The following FSTL4 variants were observed in gnomAD, a reference collection of about 807,000 sequenced individuals.
The protein encoded by FSTL4 is follistatin like 4.
A neutral mutation model predicts 78.2 loss-of-function variants in FSTL4; 28 were observed. That is an observed-to-expected ratio of 0.36 (90% CI 0.27 to 0.49). The LOEUF (loss-of-function observed/expected upper bound fraction) is 0.49, where lower values mean the gene tolerates loss of function less well. Among genes scored for constraint, FSTL4 ranks in the 20% least tolerant of loss-of-function variants. FSTL4 has a pLI of 0.98. For missense variants in FSTL4, 922 were observed against 1,084.9 expected (o/e 0.85, Z 2.11); for synonymous variants, 422 against 440.5 (o/e 0.96, Z 0.53).
intron 3 of FSTL4, among the ~76,000 whole-genome samples, chr5:133,417,036 T>A (rs1486556963): frequency 6.6e-6 from 1 of 152,232 alleles, no homozygotes; most frequent in Non-Finnish European, 1.5e-5. Context: ...TACACAGAAT[T>A]CTACTTCTAA....
chr5:133,678,103 T>C, the FSTL4 span, among the ~76,000 whole-genome samples: 2 of 152,334 alleles, frequency 1.3e-5, no homozygotes, highest in East Asian at 3.9e-4. Context: ...TTCAAGAATA[T>C]AATATATTGT....
intron 4 of FSTL4, among the ~76,000 whole-genome samples, chr5:133,320,348 C>T (rs563022027): frequency 1.8e-4 from 27 of 152,136 alleles, no homozygotes; most frequent in Non-Finnish European, 3.1e-4. Context: ...ACTGTGGGGT[C>T]AGATAGGAGT....
chr5:133,409,439 A>G (rs1756435240), intron 3 of FSTL4, among the ~76,000 whole-genome samples: 1 of 152,158 alleles, frequency 6.6e-6, no homozygotes, highest in Non-Finnish European at 1.5e-5. Context: ...GTCTGTGACA[A>G]TAGTGAAGCT....
chr5:133,210,353 C>T lies in FSTL4; in HGVS notation c.1609-55G>A, dbSNP rs114209582. The T allele has an allele frequency of 7.4e-3, 7,787 of 1,046,000 alleles. 354 individuals are homozygous for T. In the African/African-American group the frequency reaches 0.1, roughly 13 times the overall value. The allele number at this position is 1,046,000 out of a possible 1,614,324, so 64.8% of individuals were successfully genotyped here. On this transcript the variant is annotated intron_variant, in intron 13 of 15. Transcript: ENST00000265342. ...AGCTGACATGATGGTCATTTCTGGG[C>T]GTTGTATGCATGGGCATCACTCCTG...
intron 3 of FSTL4, among the ~76,000 whole-genome samples, chr5:133,461,083 T>C (rs1344543161): frequency 2.6e-5 from 4 of 152,240 alleles, no homozygotes; most frequent in South Asian, 2.1e-4. Context: ...AATGCATTTT[T>C]GTTTTCAAAG....
At chr5:133,472,360 C>A (rs1452061792) in intron 3 of FSTL4, among the ~76,000 whole-genome samples, 1 of 152,034 alleles carries the variant, frequency 6.6e-6, no homozygotes, top group African/African-American at 2.4e-5. Flanking sequence ...AGAGAAAGTG[C>A]AAGCCAAGAA....
At chr5:133,302,988 G>C (rs1356466839) in intron 6 of FSTL4, among the ~76,000 whole-genome samples, 1 of 152,194 alleles carries the variant, frequency 6.6e-6, no homozygotes, top group Non-Finnish European at 1.5e-5. Context: ...TGCTCTGCTG[G>C]TCTTGTCCTC....
the FSTL4 span, among the ~76,000 whole-genome samples, chr5:133,709,258 C>T: frequency 1.7e-3 from 265 of 152,308 alleles, 1 homozygote; most frequent in Non-Finnish European, 2.8e-3. Context: ...TTGGACCAAA[C>T]GTTTCCCAAT....
intron 1 of FSTL4, among the ~76,000 whole-genome samples, chr5:133,606,478 T>C (rs944190586): frequency 6.6e-6 from 1 of 152,190 alleles, no homozygotes; most frequent in African/African-American, 2.4e-5. Context: ...CCATAAGTAA[T>C]CCTCTTCTGA....
the FSTL4 span, among the ~76,000 whole-genome samples, chr5:133,641,611 T>A: frequency 1.3e-5 from 2 of 152,208 alleles, no homozygotes; most frequent in East Asian, 3.8e-4. Context: ...TATGTGTATG[T>A]GTATATACAC....
chr5:133,395,661 C>T (rs1157446675), intron 4 of FSTL4, among the ~76,000 whole-genome samples: 3 of 152,180 alleles, frequency 2.0e-5, no homozygotes, highest in East Asian at 1.9e-4. Context: ...ATGCTCTCCC[C>T]TACACCCAGG....
intron 1 of FSTL4, among the ~76,000 whole-genome samples, chr5:133,606,591 T>C (rs1037364719): frequency 1.3e-5 from 2 of 152,236 alleles, no homozygotes; most frequent in African/African-American, 2.4e-5. Context: ...AAGACATTGC[T>C]TCTTATTCTC....
chr5:133,241,245 C>G (rs1222634154), intron 7 of FSTL4, among the ~76,000 whole-genome samples: 2 of 152,240 alleles, frequency 1.3e-5, no homozygotes, highest in Admixed American at 1.3e-4. Flanking sequence ...ATAACACTTA[C>G]AATGAGTTCT....
rs558478296 is a variant in FSTL4 at position 133,225,046 on chromosome 5, G to A, written c.1312+104C>T. Reference sequence around the variant, plus strand: ...ATATGAGGCTTACCCCTGTCTTCACGGGCTCATGGTTGGCAGCTGTGGCCC... The same window carrying A: ...ATATGAGGCTTACCCCTGTCTTCACAGGCTCATGGTTGGCAGCTGTGGCCC... On this transcript the variant is annotated intron_variant, in intron 10 of 15. Coordinates refer to ENST00000265342, the MANE Select transcript of FSTL4 (RefSeq NM_015082.2). The surrounding 1 kb of genome is among the most constrained non-coding windows in gnomAD (Gnocchi z 4.6). 3.1e-5 allele frequency: 41 copies of A among 1,325,814 alleles called. No homozygotes were observed. Among genetic ancestry groups the A allele is most frequent in the East Asian group, 4.6e-5 (2 of 43,466 alleles). The allele number at this position is 1,325,814 out of a possible 1,614,324, so 82.1% of individuals were successfully genotyped here. A position where few individuals can be genotyped will look rare whatever the true frequency, so the allele number is the denominator to read the frequency against.
intron 2 of FSTL4, among the ~76,000 whole-genome samples, chr5:133,591,992 T>C (rs928565299): frequency 7.9e-5 from 12 of 152,182 alleles, no homozygotes; most frequent in Admixed American, 1.3e-4. Context: ...CAGACCCAGA[T>C]ACCCACCTTA....
At chr5:133,372,182 T>A (rs1013545956) in intron 4 of FSTL4, among the ~76,000 whole-genome samples, 57 of 152,060 alleles carry the variant, frequency 3.7e-4, no homozygotes, top group African/African-American at 1.4e-3. Flanking sequence ...AGATAATGCT[T>A]CATGCTGAGA....
chr5:133,726,784 A>T, the FSTL4 span, among the ~76,000 whole-genome samples: 4 of 152,242 alleles, frequency 2.6e-5, no homozygotes, highest in African/African-American at 9.6e-5. Context: ...AACCAATCAG[A>T]CTTCAAATAA....
chr5:133,455,114 G>T (rs149956254), intron 3 of FSTL4, among the ~76,000 whole-genome samples: 17 of 152,346 alleles, frequency 1.1e-4, no homozygotes, highest in Non-Finnish European at 1.9e-4. Context: ...GGGAGACGTG[G>T]CCCCTGCCTT....
At chr5:133,774,902 A>G in the FSTL4 span, among the ~76,000 whole-genome samples, 1 of 152,194 alleles carries the variant, frequency 6.6e-6, no homozygotes. Context: ...ATCTTGCACA[A>G]ATTCAAAGAC....
Sources: allele counts gnomAD v4.1 joint callset (sites outside exome capture counted in the v4.1 genomes callset), GRCh38; gene constraint gnomAD v4.1.1; non-coding constraint Gnocchi (gnomAD v3.1); transcripts MANE v1.5; gene names NCBI Gene and HGNC (gene_info 2026-07-23, HGNC 2026-07-21).